Variants in FSTL4 observed in about 807,000 individuals in gnomAD.
The protein encoded by FSTL4 is follistatin-related protein 4.
FSTL4 carries 28 observed loss-of-function variants against 78.2 expected under a neutral mutation model. The ratio of observed to expected loss-of-function variants is 0.36; its 90% CI spans 0.27 to 0.49. The LOEUF (loss-of-function observed/expected upper bound fraction) is 0.49. Ranked by LOEUF, FSTL4 falls within the 20% of genes least tolerant of loss-of-function variation. The pLI, the probability that FSTL4 is intolerant of heterozygous loss-of-function variation, is 0.98. For missense variants in FSTL4, 922 were observed against 1,084.9 expected (o/e 0.85, Z 2.11); for synonymous variants, 422 against 440.5 (o/e 0.96, Z 0.53).
At chr5:133,493,642 G>T (rs1758314262) in intron 3 of FSTL4, among the ~76,000 whole-genome samples, 1 of 152,162 alleles carries the variant, frequency 6.6e-6, no homozygotes, top group African/African-American at 2.4e-5. Flanking sequence ...CCCTGAGGTG[G>T]CCCGTGCTGG....
intron 7 of FSTL4, chr5:133,244,824 C>T (rs1751986150): frequency 1.3e-5 from 2 of 152,392 alleles, no homozygotes; most frequent in African/African-American, 4.8e-5. Context: ...TCCTGACAAC[C>T]TTAAGAAGGC....
rs1015067123 is a variant in FSTL4 at position 133,199,958 on chromosome 5, A to T, written c.1827-161T>A. On this transcript the variant is annotated intron_variant, in intron 15 of 15. Coordinates refer to ENST00000265342, the MANE Select transcript of FSTL4 (RefSeq NM_015082.2). This position sits in a 1 kb window ranked among gnomAD's most constrained non-coding sequence, Gnocchi z 4.4. The stretch of plus-strand genomic sequence containing the variant: ...ATCATTCTGCAGGGGATGTCTTCAT[A>T]AACAAATAATCTATGATCTCAATCC... 6.6e-6 allele frequency among the ~76,000 whole-genome samples: 1 copy of T among 152,226 alleles called. No individual in the cohort carries two copies. The highest frequency in any genetic ancestry group is 2.4e-5 in the African/African-American group (1 of 41,454).
At chr5:133,313,024 G>A (rs1753823928) in intron 5 of FSTL4, among the ~76,000 whole-genome samples, 1 of 152,194 alleles carries the variant, frequency 6.6e-6, no homozygotes, top group Non-Finnish European at 1.5e-5. Flanking sequence ...CTAGAGCTCA[G>A]GTGTGTCTTT....
the FSTL4 span, among the ~76,000 whole-genome samples, chr5:133,654,504 C>T: frequency 6.6e-6 from 1 of 152,218 alleles, no homozygotes; most frequent in African/African-American, 2.4e-5. Flanking sequence ...GGTGATCTTA[C>T]AGGTCTTTGG....
At chr5:133,648,522 G>A in the FSTL4 span, among the ~76,000 whole-genome samples, 1 of 152,140 alleles carries the variant, frequency 6.6e-6, no homozygotes. Context: ...GCCCATAAAA[G>A]TAGGCATTCA....
chr5:133,237,695 T>C (rs567677158), intron 7 of FSTL4, among the ~76,000 whole-genome samples: 9 of 152,332 alleles, frequency 5.9e-5, no homozygotes, highest in East Asian at 1.9e-4. Context: ...ATTTACCTCA[T>C]TGGATGTGAG....
chr5:133,397,986 T>C (rs1056589464), intron 4 of FSTL4, among the ~76,000 whole-genome samples: 75 of 152,340 alleles, frequency 4.9e-4, no homozygotes, highest in African/African-American at 1.8e-3. Flanking sequence ...TTAAATATTC[T>C]GCTGCCATTG....
the FSTL4 span, among the ~76,000 whole-genome samples, chr5:133,628,376 T>TTTA: frequency 1.3e-5 from 2 of 151,482 alleles, no homozygotes; most frequent in African/African-American, 4.9e-5. Flanking sequence ...CTTTTTTTTT[T>TTTA]GAGATGGAGT....
intron 8 of FSTL4, among the ~76,000 whole-genome samples, chr5:133,232,204 G>A (rs1751513774): frequency 6.6e-6 from 1 of 152,198 alleles, no homozygotes; most frequent in Non-Finnish European, 1.5e-5. Context: ...TCTGGGCTAT[G>A]GGCAAGTTAT....
the FSTL4 span, among the ~76,000 whole-genome samples, chr5:133,775,050 TG>T: frequency 6.6e-5 from 10 of 152,218 alleles, no homozygotes; most frequent in African/African-American, 1.9e-4. Context: ...TTGAGCCTCT[TG>T]GAATTGCAGA....
the FSTL4 span, among the ~76,000 whole-genome samples, chr5:133,709,353 T>C: frequency 6.6e-6 from 1 of 152,264 alleles, no homozygotes; most frequent in African/African-American, 2.4e-5. Context: ...TTCTCTCCTG[T>C]ATGTGCAAAC....
the FSTL4 span, among the ~76,000 whole-genome samples, chr5:133,706,239 A>G: frequency 6.6e-6 from 1 of 152,206 alleles, no homozygotes; most frequent in African/African-American, 2.4e-5. Flanking sequence ...AACAAAATTC[A>G]TATCAATTAT....
the FSTL4 span, among the ~76,000 whole-genome samples, chr5:133,668,127 C>T: frequency 1.3e-5 from 2 of 152,288 alleles, no homozygotes; most frequent in East Asian, 1.9e-4. Flanking sequence ...TGAATGTTCT[C>T]GTGTGCTGCA....
chr5:133,634,545 C>A, the FSTL4 span, among the ~76,000 whole-genome samples: 1 of 152,126 alleles, frequency 6.6e-6, no homozygotes, highest in Non-Finnish European at 1.5e-5. Flanking sequence ...ACTTCTTCTC[C>A]TCACCTTATG....
In FSTL4 at chr5:133,225,121, G is replaced by A. The variant is rs371110223; in HGVS notation, c.1312+29C>T. On this transcript the variant is annotated intron_variant, in intron 10 of 15. Transcript: ENST00000265342. The surrounding 1 kb of genome is among the most constrained non-coding windows in gnomAD (Gnocchi z 4.6). The stretch of plus-strand genomic sequence containing the variant: ...CACCCAACACCTCCCAGCCAGCTCA[G>A]TGAGAAGCATAAACGCGTGTCGACT... 8 of 1,613,990 alleles carry A rather than the reference G, an allele frequency of 5.0e-6. No homozygotes were observed. The highest frequency in any genetic ancestry group is 3.3e-5 in the Admixed American group (2 of 60,026).
At chr5:133,250,187 T>C (rs1199151850) in intron 6 of FSTL4, among the ~76,000 whole-genome samples, 1 of 152,264 alleles carries the variant, frequency 6.6e-6, no homozygotes, top group Non-Finnish European at 1.5e-5. Context: ...GCAGAAACTA[T>C]TAATCCTTGC....
intron 2 of FSTL4, among the ~76,000 whole-genome samples, chr5:133,592,451 G>C (rs1375255234): frequency 6.6e-6 from 1 of 152,204 alleles, no homozygotes; most frequent in African/African-American, 2.4e-5. Context: ...CATCTGGAAT[G>C]GATAACGAAT....
At chr5:133,591,789 G>A (rs1350569326) in intron 2 of FSTL4, among the ~76,000 whole-genome samples, 1 of 152,142 alleles carries the variant, frequency 6.6e-6, no homozygotes, top group Non-Finnish European at 1.5e-5. Context: ...ATGGAGAAGG[G>A]AGACAGTGTG....
chr5:133,801,410 C>G, the FSTL4 span, among the ~76,000 whole-genome samples: 3 of 152,210 alleles, frequency 2.0e-5, no homozygotes, highest in African/African-American at 7.2e-5. Flanking sequence ...TCATTCCTCT[C>G]TCTCTCCACA....
Sources: allele counts gnomAD v4.1 joint callset (sites outside exome capture counted in the v4.1 genomes callset), GRCh38; gene constraint gnomAD v4.1.1; non-coding constraint Gnocchi (gnomAD v3.1); transcripts MANE v1.5; gene names NCBI Gene and HGNC (gene_info 2026-07-23, HGNC 2026-07-21).